Variants in SH3PXD2B observed in about 807,000 individuals in gnomAD.
SH3PXD2B encodes the protein SH3 and PX domains 2B.
SH3PXD2B carries 37 observed loss-of-function variants against 73.1 expected under a neutral mutation model. The ratio of observed to expected loss-of-function variants is 0.51; its 90% CI spans 0.39 to 0.67. SH3PXD2B has a LOEUF of 0.67. Among genes scored for constraint, SH3PXD2B ranks in the 30% least tolerant of loss-of-function variants. The pLI is 0.00. For synonymous variants in SH3PXD2B, 457 were observed against 480.5 expected (o/e 0.95, Z 0.64); for missense variants, 1,053 against 1,197.8 (o/e 0.88, Z 1.78).
rs1756762412 is a variant in SH3PXD2B at position 172,338,663 on chromosome 5, G to GC, written c.2441dup (p.Gln815ProfsTer3). The GC allele has an allele frequency of 1.9e-6, 3 of 1,614,166 alleles. No homozygotes were observed. The highest frequency in any genetic ancestry group is 1.7e-6 in the Non-Finnish European group (2 of 1,180,034). On this transcript the variant is annotated frameshift_variant, in exon 13 of 13. Transcript: ENST00000311601. LOFTEE classifies it high-confidence loss of function. The surrounding 1 kb of genome is among the most constrained non-coding windows in gnomAD (Gnocchi z 5.1). ...TGCCTTTGCCTCGCGTGTCATCCTG[G>GC]CCCCCCAAAGAGTTGGAGAGAAAAG...
chr5:172,421,889 C>T lies in SH3PXD2B; in HGVS notation c.156+527G>A, dbSNP rs532354298. ...ATTTGGAAATGATTTCCAGATTACC[C>T]TCCATTCTGGAGCAGTTAACAGGCA... On this transcript the variant is annotated intron_variant, in intron 2 of 12. Transcript: ENST00000311601. The surrounding 1 kb of genome is among the most constrained non-coding windows in gnomAD (Gnocchi z 4.0). Among the ~76,000 whole-genome samples the T allele has an allele frequency of 1.2e-4, 19 of 152,368 alleles. No individual in the cohort carries two copies. The highest frequency in any genetic ancestry group is 4.6e-4 in the African/African-American group (19 of 41,584).
At chr5:172,384,947 G>A (rs941882078) in intron 4 of SH3PXD2B, among the ~76,000 whole-genome samples, 1 of 152,180 alleles carries the variant, frequency 6.6e-6, no homozygotes, top group Non-Finnish European at 1.5e-5. Context: ...AGGGCTCACC[G>A]ATTTTTAAAA....
intron 3 of SH3PXD2B, among the ~76,000 whole-genome samples, chr5:172,402,344 A>C (rs1460800713): frequency 6.6e-6 from 1 of 152,072 alleles, no homozygotes; most frequent in Non-Finnish European, 1.5e-5. Context: ...CATGCCCGAA[A>C]CTTCATTAGC....
At chr5:172,404,596 A>G (rs1481700730) in intron 3 of SH3PXD2B, among the ~76,000 whole-genome samples, 1 of 152,156 alleles carries the variant, frequency 6.6e-6, no homozygotes, top group African/African-American at 2.4e-5. Context: ...CTGGCCTTGA[A>G]AAAGGATCTA....
chr5:172,348,365 C>T (rs1357984465), intron 10 of SH3PXD2B, among the ~76,000 whole-genome samples: 1 of 151,894 alleles, frequency 6.6e-6, no homozygotes, highest in Non-Finnish European at 1.5e-5. Context: ...GCTCTTGTCA[C>T]CCAGGCTGGA....
chr5:172,330,063 A>G (rs151103048), downstream of SH3PXD2B, among the ~76,000 whole-genome samples: 6 of 151,948 alleles, frequency 3.9e-5, no homozygotes, highest in East Asian at 1.2e-3. Context: ...GTGGGTATCA[A>G]TTTTTTTTCA....
intron 12 of SH3PXD2B, among the ~76,000 whole-genome samples, chr5:172,340,515 C>T (rs777780282): frequency 1.3e-5 from 2 of 152,172 alleles, no homozygotes; most frequent in Admixed American, 6.5e-5. Flanking sequence ...GAAGTCAGAG[C>T]TACCCTTGAT....
chr5:172,335,956 T>C lies in SH3PXD2B; in HGVS notation c.*2413A>G. On this transcript the variant is annotated 3_prime_UTR_variant, in exon 13 of 13. Coordinates refer to ENST00000311601, the MANE Select transcript of SH3PXD2B (RefSeq NM_001017995.3). The stretch of plus-strand genomic sequence containing the variant: ...TAGCAAAAGAGAATGGCAGATTCTT[T>C]CATTTGCAGGAAAACTTTCTGCCTA... 1 of 1,097,066 alleles carries C rather than the reference T, an allele frequency of 9.1e-7. No homozygotes were observed. Among genetic ancestry groups the C allele is most frequent in the Non-Finnish European group, 1.1e-6 (1 of 902,998 alleles). The allele number at this position is 1,097,066 out of a possible 1,614,324, so 68.0% of individuals were successfully genotyped here.
chr5:172,333,207 T>C (rs1756599427), downstream of SH3PXD2B, among the ~76,000 whole-genome samples: 1 of 152,104 alleles, frequency 6.6e-6, no homozygotes, highest in Admixed American at 6.5e-5. Flanking sequence ...AGTGCTGGGA[T>C]TACAGGTGTG....
At position 172,337,016 on chromosome 5, in the gene SH3PXD2B, A is replaced by G. The variant is rs1364062774; in HGVS notation, c.*1353T>C. 3 of 985,458 alleles carry G rather than the reference A, an allele frequency of 3.0e-6. No individual in the cohort carries two copies. The Admixed American group carries it at 1.8e-4, about 61-fold the overall frequency. The allele number at this position is 985,458 out of a possible 1,614,324, so 61.0% of individuals were successfully genotyped here. A position where few individuals can be genotyped will look rare whatever the true frequency, so the allele number is the denominator to read the frequency against. ...TGGGACCGCTGCATGCTATGCTCAG[A>G]GCCCTCCAGGCTGGCCCTCGAGGCC... On this transcript the variant is annotated 3_prime_UTR_variant, in exon 13 of 13. Transcript: ENST00000311601.
At chr5:172,372,397 A>T (rs80071999) in intron 6 of SH3PXD2B, among the ~76,000 whole-genome samples, 5,663 of 152,188 alleles carry the variant, frequency 0.037, 337 homozygotes, top group African/African-American at 0.13. Flanking sequence ...GCCTTCCATC[A>T]TGATGGAAAG....
intron 2 of SH3PXD2B, among the ~76,000 whole-genome samples, chr5:172,411,244 C>T (rs2113441095): frequency 6.6e-6 from 1 of 152,142 alleles, no homozygotes; most frequent in Middle Eastern, 3.4e-3. Context: ...AATCTGTCCA[C>T]CCTAACATGA....
chr5:172,423,694 C>T (rs1759029660), intron 1 of SH3PXD2B, among the ~76,000 whole-genome samples: 1 of 152,106 alleles, frequency 6.6e-6, no homozygotes, highest in African/African-American at 2.4e-5. Context: ...CTCTGTCACC[C>T]AGGCTGGAGT....
In SH3PXD2B at chr5:172,394,631, G is replaced by T; in HGVS notation, c.241C>A (p.Leu81Ile). Residue 81 changes from leucine (L) to isoleucine (I), a missense_variant, in exon 4 of 13, where the codon CTC (leucine) becomes ATC (isoleucine). Physicochemically the swap from Leu to Ile is conservative, Grantham distance 5. This residue lies in a region of SH3PXD2B where 466 missense variants were observed against 607.1 expected (regional missense o/e 0.77). Coordinates refer to ENST00000311601, the MANE Select transcript of SH3PXD2B (RefSeq NM_001017995.3). ...RIIPFLPGKI[L>I]FRRSHIRDVA... ...TCCCGGATGTGGCTTCGTCTGAAGA[G>T]AATCTTACCTGCAGAAGATGAGAGC... 2 of 1,614,044 alleles carry T rather than the reference G, an allele frequency of 1.2e-6. No individual in the cohort carries two copies. The highest frequency in any genetic ancestry group is 1.7e-6 in the Non-Finnish European group (2 of 1,179,962).
intron 3 of SH3PXD2B, among the ~76,000 whole-genome samples, chr5:172,397,512 G>A (rs1408838508): frequency 6.6e-6 from 1 of 152,124 alleles, no homozygotes; most frequent in Non-Finnish European, 1.5e-5. Context: ...TGCAGCTTGG[G>A]GGGCATCACA....
In SH3PXD2B at chr5:172,336,499, G is replaced by A; in HGVS notation, c.*1870C>T. ...AAGATGCTACAGGTGATCAGAGGAA[G>A]CTCCTCACGCAGAAGCAGCCAGCAC... is the stretch of plus-strand genomic sequence containing the variant. On this transcript the variant is annotated 3_prime_UTR_variant, in exon 13 of 13. Transcript: ENST00000311601. 1 of 984,398 alleles carries A rather than the reference G, an allele frequency of 1.0e-6. No individual in the cohort carries two copies. Among genetic ancestry groups the A allele is most frequent in the Non-Finnish European group, 1.2e-6 (1 of 829,810 alleles). 61.0% of individuals were successfully genotyped at this position (984,398 alleles called of 1,614,324 possible).
rs1162266861 is a variant in SH3PXD2B, at chr5:172,394,580, T to C, written c.292A>G (p.Ile98Val). Residue 98 changes from isoleucine to valine, a missense_variant, in exon 4 of 13, where the codon ATT (isoleucine) becomes GTT (valine). By Grantham distance (29) the Ile-to-Val change is conservative. Around this residue, in one of 2 missense-constraint regions of SH3PXD2B, gnomAD observed 466 missense variants for 607.1 expected, o/e 0.77. Transcript: ENST00000311601. The stretch of plus-strand genomic sequence containing the variant: ...AGCCTTACCTTACAGTATTCATCAA[T>C]TGGTATCAGGCGTTTGACAGCCACG... ...RDVAVKRLIPIDEYCKALIQL... is the reference protein window; with the variant it reads ...RDVAVKRLIPVDEYCKALIQL... 2 of 1,614,102 alleles carry C rather than the reference T, an allele frequency of 1.2e-6. No homozygotes were observed. Among genetic ancestry groups the C allele is most frequent in the Admixed American group, 1.7e-5 (1 of 60,018 alleles).
rs373756241 is a variant in SH3PXD2B at position 172,353,969 on chromosome 5, C to T, written c.704G>A (p.Arg235Gln). The T allele has an allele frequency of 5.0e-6, 8 of 1,613,996 alleles. No individual in the cohort carries two copies. Among genetic ancestry groups the T allele is most frequent in the African/African-American group, 1.3e-5 (1 of 74,874 alleles). Residue 235 changes from arginine (R) to glutamine (Q), a missense_variant, in exon 9 of 13, where the codon CGG becomes CAG. Around this residue, in one of 2 missense-constraint regions of SH3PXD2B, gnomAD observed 466 missense variants for 607.1 expected, o/e 0.77. Transcript: ENST00000311601. This position sits in a 1 kb window ranked among gnomAD's most constrained non-coding sequence, Gnocchi z 4.3. ...CTCCAGGTTCATTTCATCCTGGTCC[C>T]GAGCTGTGTACGGGTAGATGACTGT... is the stretch of plus-strand genomic sequence containing the variant. ...KYTVIYPYTA[R>Q]DQDEMNLERG...
At chr5:172,444,485 G>A (rs558674894) in intron 1 of SH3PXD2B, among the ~76,000 whole-genome samples, 5 of 152,278 alleles carry the variant, frequency 3.3e-5, no homozygotes, top group Non-Finnish European at 5.9e-5. Flanking sequence ...AAGACATAAA[G>A]CATGAAAAGC....
Sources: allele counts gnomAD v4.1 joint callset (sites outside exome capture counted in the v4.1 genomes callset), GRCh38; gene constraint gnomAD v4.1.1; regional missense constraint gnomAD v4.1.1; non-coding constraint Gnocchi (gnomAD v3.1); transcripts MANE v1.5; gene names NCBI Gene and HGNC (gene_info 2026-07-23, HGNC 2026-07-21).